The following SLC38A4 variants were observed in gnomAD, a reference collection of about 807,000 sequenced individuals.
SLC38A4 encodes the protein sodium-coupled neutral amino acid transporter 4.
In SLC38A4, 20 loss-of-function variants were observed where a neutral mutation model predicts 63.1. The ratio of observed to expected loss-of-function variants is 0.32; its 90% CI spans 0.22 to 0.46. The LOEUF (loss-of-function observed/expected upper bound fraction) is 0.46, where lower values mean the gene tolerates loss of function less well. Ranked by LOEUF, SLC38A4 falls within the 20% of genes least tolerant of loss-of-function variation. The probability of loss-of-function intolerance (pLI) is 1.00; values close to 1 mark genes in which losing one functional copy is unlikely to be tolerated. For missense variants in SLC38A4, 526 were observed against 663.6 expected, an observed-to-expected ratio of 0.79 and a Z score of 2.28; for synonymous variants, 230 against 225.5, an observed-to-expected ratio of 1.02 and a Z score of -0.18.
intron 1 of SLC38A4, among the ~76,000 whole-genome samples, chr12:46,806,411 G>A (rs954139333): frequency 5.3e-5 from 8 of 151,900 alleles, no homozygotes; most frequent in African/African-American, 9.7e-5. Flanking sequence ...TAAAAATGTA[G>A]GAGAGATGAT....
intron 14 of SLC38A4, among the ~76,000 whole-genome samples, chr12:46,771,541 A>T (rs1692500705): frequency 6.6e-6 from 1 of 152,074 alleles, no homozygotes; most frequent in Admixed American, 6.6e-5. Context: ...AGTTTATGGC[A>T]ATAATAGGTA....
chr12:46,780,967 T>G (rs1938625419), intron 7 of SLC38A4, among the ~76,000 whole-genome samples: 1 of 152,052 alleles, frequency 6.6e-6, no homozygotes, highest in Non-Finnish European at 1.5e-5. Flanking sequence ...TAGTGAATTT[T>G]TGCTAACAGG....
intron 5 of SLC38A4, among the ~76,000 whole-genome samples, chr12:46,787,536 T>C (rs1446734892): frequency 6.6e-6 from 1 of 152,076 alleles, no homozygotes; most frequent in Admixed American, 6.6e-5. Context: ...GCCCAGTGTA[T>C]CTGTCGCACA....
chr12:46,774,088 G>T (rs1938475960), intron 14 of SLC38A4, among the ~76,000 whole-genome samples: 1 of 152,002 alleles, frequency 6.6e-6, no homozygotes, highest in Non-Finnish European at 1.5e-5. Flanking sequence ...TTAGAGGCAA[G>T]ACATGATTTA....
rs183687022 is a variant in SLC38A4 at position 46,775,793 on chromosome 12, C to T, written c.1175-620G>A. On this transcript the variant is annotated intron_variant, in intron 13 of 16. Transcript: ENST00000266579. Reference sequence around the variant, plus strand: ...TCTCCCAGTGGGTACTACTCTAAGACGAAGATGCAGCCCTACTTGAAAACA... The same window carrying T: ...TCTCCCAGTGGGTACTACTCTAAGATGAAGATGCAGCCCTACTTGAAAACA... Among the ~76,000 whole-genome samples, 6 of 152,034 alleles carry T rather than the reference C, an allele frequency of 3.9e-5. No individual in the cohort carries two copies. In the East Asian group the frequency reaches 7.8e-4, roughly 20 times the overall value.
intron 14 of SLC38A4, 32 bp downstream of exon 14, chr12:46,775,017 A>C: frequency 1.2e-6 from 2 of 1,607,696 alleles, no homozygotes; most frequent in Admixed American, 1.7e-5. Context: ...GGGGTCAAGT[A>C]GGTTTCTTTC....
At chr12:46,806,278 A>G (rs1469133524) in intron 1 of SLC38A4, among the ~76,000 whole-genome samples, 2 of 152,018 alleles carry the variant, frequency 1.3e-5, no homozygotes, top group Non-Finnish European at 2.9e-5. Flanking sequence ...GACCTTCTGG[A>G]GCAGAATAGG....
intron 1 of SLC38A4, among the ~76,000 whole-genome samples, 199 bp downstream of exon 1, chr12:46,825,704 T>C (rs1939636760): frequency 6.6e-6 from 1 of 152,160 alleles, no homozygotes; most frequent in Non-Finnish European, 1.5e-5. Flanking sequence ...GACTATAGCC[T>C]GAATAGCACT....
At position 46,764,828 on chromosome 12, in the gene SLC38A4, T is replaced by A. The variant is rs1191675476; in HGVS notation, c.*1873A>T. 1 of 152,542 alleles carries A rather than the reference T, an allele frequency of 6.6e-6. No homozygotes were observed. The highest frequency in any genetic ancestry group is 2.4e-5 in the African/African-American group (1 of 41,446). 9.4% of individuals were successfully genotyped at this position (152,542 alleles called of 1,614,324 possible). On this transcript the variant is annotated 3_prime_UTR_variant, in exon 17 of 17. Coordinates refer to ENST00000266579, the MANE Select transcript of SLC38A4 (RefSeq NM_018018.5). The stretch of plus-strand genomic sequence containing the variant: ...CTGTAATAAAAAAGAAGCCTCCCAA[T>A]ACATTGAGCCATCTTATAAATGAAA...
intron 7 of SLC38A4, 106 bp downstream of exon 7, chr12:46,784,435 AG>A: frequency 1.5e-6 from 1 of 678,840 alleles, no homozygotes; most frequent in South Asian, 3.3e-5. Flanking sequence ...AACTATAAGT[AG>A]CAATTTTTCT....
chr12:46,783,353 G>C (rs914998556), intron 7 of SLC38A4, among the ~76,000 whole-genome samples: 1 of 151,912 alleles, frequency 6.6e-6, no homozygotes, highest in Admixed American at 6.6e-5. Context: ...TCTTGTGTCA[G>C]TCCAATGAGT....
intron 7 of SLC38A4, among the ~76,000 whole-genome samples, chr12:46,780,494 A>G (rs940882169): frequency 6.6e-6 from 1 of 152,000 alleles, no homozygotes; most frequent in Non-Finnish European, 1.5e-5. Flanking sequence ...TCCGGGACCT[A>G]TCTGAGGAGT....
chr12:46,783,249 ATAG>A, intron 7 of SLC38A4, among the ~76,000 whole-genome samples: 1 of 151,394 alleles, frequency 6.6e-6, no homozygotes, highest in Non-Finnish European at 1.5e-5. Flanking sequence ...AGATAGATAG[ATAG>A]ATAGATAGAT....
At position 46,775,153 on chromosome 12, in the gene SLC38A4, G is replaced by T. The variant is rs1938495851; in HGVS notation, c.1195C>A (p.Leu399Ile). The T allele has an allele frequency of 6.2e-7, 1 of 1,611,712 alleles. No individual in the cohort carries two copies. The highest frequency in any genetic ancestry group is 1.3e-5 in the African/African-American group (1 of 74,786). Reference sequence around the variant, plus strand: ...GTATACACTTTGCTGTAGGCATGAAGTAATTCATCTTCAACTTCTCCTACA... The same window carrying T: ...GTATACACTTTGCTGTAGGCATGAATTAATTCATCTTCAACTTCTCCTACA... Reference protein sequence around the residue: ...TFYGEVEDELLHAYSKVYTLD... With the variant: ...TFYGEVEDELIHAYSKVYTLD... The change falls in exon 14 of 17, where the codon CTT (leucine) becomes ATT (isoleucine). Residue 399 changes from leucine (L) to isoleucine (I), a missense_variant. Leu to Ile is a conservative substitution (Grantham distance 5, BLOSUM62 2). Coordinates refer to ENST00000266579, the MANE Select transcript of SLC38A4 (RefSeq NM_018018.5).
upstream of SLC38A4, among the ~76,000 whole-genome samples, chr12:46,830,884 C>T (rs1939722964): frequency 6.6e-6 from 1 of 152,246 alleles, no homozygotes; most frequent in South Asian, 2.1e-4. Context: ...TGTCCCGGCC[C>T]TAGCCGGGAG....
chr12:46,785,212 C>G, intron 5 of SLC38A4, 35 bp from the exon 6 acceptor site: 1 of 1,473,404 alleles, frequency 6.8e-7, no homozygotes, highest in African/African-American at 1.4e-5. Flanking sequence ...AATAAAGTTT[C>G]TACAATAAAT....
chr12:46,784,445 C>T, intron 7 of SLC38A4, 97 bp downstream of exon 7: 1 of 789,314 alleles, frequency 1.3e-6, no homozygotes. Flanking sequence ...AGCAATTTTT[C>T]TGTATCTAAA....
At chr12:46,782,215 A>G (rs1473989910) in intron 7 of SLC38A4, among the ~76,000 whole-genome samples, 1 of 152,046 alleles carries the variant, frequency 6.6e-6, no homozygotes, top group Non-Finnish European at 1.5e-5. Flanking sequence ...TGATAACTCC[A>G]GTGAATTTAT....
At chr12:46,774,152 A>T (rs1938477107) in intron 14 of SLC38A4, among the ~76,000 whole-genome samples, 2 of 152,100 alleles carry the variant, frequency 1.3e-5, no homozygotes, top group Non-Finnish European at 2.9e-5. Context: ...TGCACTCATG[A>T]AAAAGGAATG....
Sources: allele counts gnomAD v4.1 joint callset (sites outside exome capture counted in the v4.1 genomes callset), GRCh38; gene constraint gnomAD v4.1.1; transcripts MANE v1.5; gene names NCBI Gene and HGNC (gene_info 2026-07-23, HGNC 2026-07-21).